ZNF790: variants seen among roughly 807,000 people sequenced by gnomAD.
ZNF790 encodes the protein zinc finger protein 790.
In ZNF790, 8 loss-of-function variants were observed where a neutral mutation model predicts 12.1. The ratio of observed to expected loss-of-function variants is 0.66; its 90% confidence interval spans 0.39 to 1.19. The LOEUF (loss-of-function observed/expected upper bound fraction) is 1.19. Among genes scored for constraint, ZNF790 ranks in the 50% most tolerant of loss-of-function variants. The pLI is 0.01. For synonymous variants in ZNF790, 252 were observed against 244.3 expected (o/e 1.03, Z -0.29); for missense variants, 707 against 752.2 (o/e 0.94, Z 0.70).
Position 36,818,243 on chromosome 19 carries a change from G to A in ZNF790, c.*190C>T. ...ATATTCTGCAATTGATAACTGATCAGTAATTTCTTTCCTATATTGATTGCA... is the reference window on the plus strand; with the variant it reads ...ATATTCTGCAATTGATAACTGATCAATAATTTCTTTCCTATATTGATTGCA... On this transcript the variant is annotated 3_prime_UTR_variant, in exon 5 of 5. Transcript: ENST00000356725. The A allele has an allele frequency of 2.2e-6, 1 of 464,424 alleles. No homozygotes were observed. 28.8% of individuals were successfully genotyped at this position (464,424 alleles called of 1,614,324 possible).
At chr19:36,837,979 G>GC (rs950670719) in intron 1 of ZNF790, 6 of 152,252 alleles carry the variant, frequency 3.9e-5, no homozygotes, top group African/African-American at 1.4e-4. Flanking sequence ...CATAGCGGCT[G>GC]CTATCACCAC....
chr19:36,842,821 T>C (rs1426850208), upstream of ZNF790, among the ~76,000 whole-genome samples: 1 of 151,698 alleles, frequency 6.6e-6, no homozygotes. Flanking sequence ...CTGGCCAACA[T>C]GGTGACACCC....
Position 36,823,396 on chromosome 19 carries a change from GA to G in ZNF790, c.134-17del, listed in dbSNP as rs775781606. 1 of 1,610,520 alleles carries G rather than the reference GA, an allele frequency of 6.2e-7. No homozygotes were observed. Among genetic ancestry groups the G allele is most frequent in the Non-Finnish European group, 8.5e-7 (1 of 1,177,658 alleles). ...ATGCAAAAACCTGCCCAGAAGATGA[GA>G]AACAGCAAAGAACCACATTGTAAAG... On this transcript the variant is annotated splice_polypyrimidine_tract_variant and intron_variant, in intron 3 of 4. Transcript: ENST00000356725.
chr19:36,836,497 G>C (rs576609286), intron 1 of ZNF790, among the ~76,000 whole-genome samples: 5 of 151,460 alleles, frequency 3.3e-5, no homozygotes, highest in African/African-American at 9.7e-5. Flanking sequence ...GGTGGCTCAC[G>C]CCTGTAATCC....
In ZNF790 at chr19:36,818,951, ACT is replaced by A. The variant is rs1568332637; in HGVS notation, c.1391_1392del (p.Glu464ValfsTer2). 1.2e-6 allele frequency: 2 copies of A among 1,609,782 alleles called. No individual in the cohort carries two copies. The highest frequency in any genetic ancestry group is 1.7e-6 in the Non-Finnish European group (2 of 1,177,316). On this transcript the variant is annotated frameshift_variant, in exon 5 of 5. Coordinates refer to ENST00000356725, the MANE Select transcript of ZNF790 (RefSeq NM_206894.4). LOFTEE classifies it low-confidence loss of function (END_TRUNC). ...GTATGAATTTTCTGATGTCGATTAAACTCTGAGCCATGAAGAAAGGTCTTTCC... is the reference window on the plus strand; with the variant it reads ...GTATGAATTTTCTGATGTCGATTAAACTGAGCCATGAAGAAAGGTCTTTCC... ...ECGKTFLHGS[E>X]FNRHQKIHTG...
upstream of ZNF790, among the ~76,000 whole-genome samples, chr19:36,839,686 A>G (rs1262932443): frequency 1.3e-5 from 2 of 152,180 alleles, no homozygotes; most frequent in Admixed American, 1.3e-4. Flanking sequence ...GTCACTGCAC[A>G]TAACCTGTGT....
chr19:36,821,928 C>T (rs1288014746), intron 4 of ZNF790, among the ~76,000 whole-genome samples: 2 of 152,110 alleles, frequency 1.3e-5, no homozygotes, highest in African/African-American at 4.8e-5. Context: ...CGTTGTACTT[C>T]ATAAGCCCTA....
intron 1 of ZNF790, among the ~76,000 whole-genome samples, chr19:36,848,162 C>T (rs376026836): frequency 6.6e-6 from 1 of 152,156 alleles, no homozygotes; most frequent in East Asian, 1.9e-4. Context: ...GTTCATTAAC[C>T]AACCCCTTTC....
rs2071597062 is a variant in ZNF790, at chr19:36,818,744, A to G, written c.1600T>C (p.Tyr534His). ...GATTTCCCACATTCTTTACATACGTAAGGTTCCTCACCAGTATGCATTCTC... is the reference window on the plus strand; with the variant it reads ...GATTTCCCACATTCTTTACATACGTGAGGTTCCTCACCAGTATGCATTCTC... ...HQRMHTGEEP[Y>H]VCKECGKSFI... Residue 534 changes from tyrosine to histidine, a missense_variant, in exon 5 of 5, where the codon TAC becomes CAC. Transcript: ENST00000356725. 6.2e-7 allele frequency: 1 copy of G among 1,612,258 alleles called. No individual in the cohort carries two copies. The highest frequency in any genetic ancestry group is 8.5e-7 in the Non-Finnish European group (1 of 1,179,480).
intron 1 of ZNF790, among the ~76,000 whole-genome samples, chr19:36,846,304 G>A (rs1203011115): frequency 6.6e-6 from 1 of 152,058 alleles, no homozygotes; most frequent in Non-Finnish European, 1.5e-5. Context: ...CACGCCTGTA[G>A]TCCCAGCACT....
At chr19:36,826,769 T>C (rs1330503050) in intron 1 of ZNF790, among the ~76,000 whole-genome samples, 3 of 150,772 alleles carry the variant, frequency 2.0e-5, no homozygotes, top group Non-Finnish European at 2.9e-5. Context: ...TACAATACTG[T>C]AGGAAATAAA....
intron 2 of ZNF790, among the ~76,000 whole-genome samples, chr19:36,824,852 T>A (rs933871598): frequency 6.6e-6 from 1 of 152,244 alleles, no homozygotes; most frequent in African/African-American, 2.4e-5. Flanking sequence ...TGTCCTTTGC[T>A]TAAGCTACTA....
At chr19:36,821,781 G>A (rs2071678598) in intron 4 of ZNF790, among the ~76,000 whole-genome samples, 1 of 151,984 alleles carries the variant, frequency 6.6e-6, no homozygotes, top group South Asian at 2.1e-4. Context: ...ATGGGATTTT[G>A]CCATGTTGTC....
rs768570171 is a variant in ZNF790, at chr19:36,819,744, A to G, written c.600T>C (p.Asp200=). ...LIHTSEKFCG[D]KECGNTFLPD... is the part of the protein sequence containing the mutation. Reference sequence around the variant, plus strand: ...GAAGAAAGGTATTCCCACATTCTTTATCTCCACAGAATTTCTCACTTGTGT... The same window carrying G: ...GAAGAAAGGTATTCCCACATTCTTTGTCTCCACAGAATTTCTCACTTGTGT... The change falls in exon 5 of 5, where the codon GAT becomes GAC. Residue 200 remains aspartate (D), a synonymous_variant. Coordinates refer to ENST00000356725, the MANE Select transcript of ZNF790 (RefSeq NM_206894.4). The G allele has an allele frequency of 4.3e-6, 7 of 1,613,714 alleles. No homozygotes were observed. The highest frequency in any genetic ancestry group is 5.9e-6 in the Non-Finnish European group (7 of 1,179,868).
At chr19:36,848,410 G>C (rs981176614) in intron 1 of ZNF790, among the ~76,000 whole-genome samples, 3 of 152,170 alleles carry the variant, frequency 2.0e-5, no homozygotes, top group African/African-American at 7.2e-5. Flanking sequence ...TTATTTCCCG[G>C]ACTACCCCAC....
intron 1 of ZNF790, among the ~76,000 whole-genome samples, chr19:36,833,085 G>GA (rs1440252781): frequency 1.3e-5 from 2 of 151,838 alleles, no homozygotes; most frequent in Non-Finnish European, 2.9e-5. Flanking sequence ...CACTTAGCAG[G>GA]AAAAATTCAA....
At chr19:36,847,358 A>T (rs1327193347) in intron 1 of ZNF790, among the ~76,000 whole-genome samples, 1 of 152,066 alleles carries the variant, frequency 6.6e-6, no homozygotes, top group East Asian at 1.9e-4. Context: ...CTTGGGAAAA[A>T]AAACAAAACA....
chr19:36,845,773 C>T (rs1178335600), intron 1 of ZNF790, among the ~76,000 whole-genome samples: 1 of 150,102 alleles, frequency 6.7e-6, no homozygotes, highest in African/African-American at 2.4e-5. Flanking sequence ...TATGACAGCA[C>T]AAAGATTTAT....
chr19:36,830,474 T>TA (rs2071925181), intron 1 of ZNF790, among the ~76,000 whole-genome samples: 1 of 152,198 alleles, frequency 6.6e-6, no homozygotes, highest in Non-Finnish European at 1.5e-5. Flanking sequence ...CCCATATTCT[T>TA]ATGAGATATA....
Sources: gnomAD v4.1 joint callset for allele counts (sites outside exome capture counted in the v4.1 genomes callset) on GRCh38, gnomAD v4.1.1 for gene constraint, MANE v1.5 for transcripts, NCBI Gene and HGNC (gene_info 2026-07-23, HGNC 2026-07-21) for gene names.